Variants in NLRP5 observed in about 807,000 individuals in gnomAD.
NLRP5 encodes NACHT, LRR and PYD domains-containing protein 5.
Under a neutral mutation model 113.1 loss-of-function variants are expected in NLRP5, and 93 were observed. The observed-to-expected ratio is 0.82, with a 90% CI of 0.70 to 0.98. The LOEUF (loss-of-function observed/expected upper bound fraction) is 0.98. Among genes scored for constraint, NLRP5 ranks in the 50% least tolerant of loss-of-function variants. The pLI, the probability that NLRP5 is intolerant of heterozygous loss-of-function variation, is 0.00. For missense variants in NLRP5, 1,808 were observed against 1,514.3 expected, an observed-to-expected ratio of 1.19 and a Z score of -3.22; for synonymous variants, 751 against 600.7, an observed-to-expected ratio of 1.25 and a Z score of -3.66.
chr19:55,987,894 T>C, the NLRP5 span: 1 of 1,613,500 alleles, frequency 6.2e-7, no homozygotes, highest in South Asian at 1.1e-5. Context: ...AGTGACTGCC[T>C]ATCCCAGATT....
intron 2 of NLRP5, among the ~76,000 whole-genome samples, chr19:56,007,882 T>C (rs1487398805): frequency 8.7e-6 from 1 of 115,048 alleles, no homozygotes; most frequent in African/African-American, 3.2e-5. Flanking sequence ...TGTGTGTGTG[T>C]GTGTGTGCGC....
At chr19:56,036,454 G>A (rs1440953615) in intron 9 of NLRP5, among the ~76,000 whole-genome samples, 2 of 152,154 alleles carry the variant, frequency 1.3e-5, no homozygotes, top group African/African-American at 4.8e-5. Context: ...AATGAAACGA[G>A]ATTGTTTTAT....
At chr19:56,004,918 C>A (rs1981795351) in intron 2 of NLRP5, among the ~76,000 whole-genome samples, 1 of 151,568 alleles carries the variant, frequency 6.6e-6, no homozygotes, top group South Asian at 2.1e-4. Context: ...CATGGAGAAA[C>A]CCCGTCTCTA....
chr19:56,033,563 C>T lies in NLRP5; in HGVS notation c.2469C>T (p.Thr823=). 1 of 1,613,508 alleles carries T rather than the reference C, an allele frequency of 6.2e-7. No homozygotes were observed. Among genetic ancestry groups the T allele is most frequent in the Non-Finnish European group, 8.5e-7 (1 of 1,179,600 alleles). Reference sequence around the variant, plus strand: ...GCAGGTTTAGAAATGCACAGATTACCCCTGGTGTGCAGCACCTCTGGAGAA... The same window carrying T: ...GCAGGTTTAGAAATGCACAGATTACTCCTGGTGTGCAGCACCTCTGGAGAA... Residue 823 remains threonine, a synonymous_variant, in exon 9 of 15, where the codon ACC becomes ACT. Transcript: ENST00000390649.
chr19:56,027,770 C>A lies in NLRP5; in HGVS notation c.1537C>A (p.Arg513=). 6.2e-6 allele frequency: 10 copies of A among 1,613,964 alleles called. No individual in the cohort carries two copies. Among genetic ancestry groups the A allele is most frequent in the Non-Finnish European group, 8.5e-6 (10 of 1,179,894 alleles). Residue 513 remains arginine, a synonymous_variant, in exon 7 of 15, where the codon CGA becomes AGA. Coordinates refer to ENST00000390649, the MANE Select transcript of NLRP5 (RefSeq NM_153447.4). Reference sequence around the variant, plus strand: ...TTTTGTGTTTCATCAGCTCACCCCTCGAGGCGTGGTCCGGCGCTGTCTCAA... The same window carrying A: ...TTTTGTGTTTCATCAGCTCACCCCTAGAGGCGTGGTCCGGCGCTGTCTCAA...
intron 4 of NLRP5, among the ~76,000 whole-genome samples, chr19:56,016,908 A>G (rs1982425886): frequency 6.6e-6 from 1 of 152,122 alleles, no homozygotes; most frequent in South Asian, 2.1e-4. Context: ...TCCTGGGTTC[A>G]AGTGATTCTC....
At chr19:55,987,903 T>C in the NLRP5 span, 1 of 1,612,756 alleles carries the variant, frequency 6.2e-7, no homozygotes, top group Non-Finnish European at 8.5e-7. Context: ...CTATCCCAGA[T>C]TAATCCTTAG....
chr19:55,994,863 T>A (rs1191153054), upstream of NLRP5, among the ~76,000 whole-genome samples: 1 of 152,232 alleles, frequency 6.6e-6, no homozygotes, highest in African/African-American at 2.4e-5. Flanking sequence ...TGTTTTCTTC[T>A]GGTAGTTTTA....
intron 2 of NLRP5, among the ~76,000 whole-genome samples, chr19:56,004,813 C>T (rs1568481252): frequency 6.6e-6 from 1 of 152,040 alleles, no homozygotes; most frequent in Admixed American, 6.6e-5. Context: ...CAGGTGTGGG[C>T]TGGATGCAGT....
At chr19:55,988,016 C>T in the NLRP5 span, 3 of 874,170 alleles carry the variant, frequency 3.4e-6, no homozygotes, top group Non-Finnish European at 5.6e-6. Context: ...GTACTTTCCC[C>T]TGAAACAGAG....
chr19:56,029,310 A>G (rs1983002249), intron 7 of NLRP5, among the ~76,000 whole-genome samples: 1 of 152,154 alleles, frequency 6.6e-6, no homozygotes, highest in African/African-American at 2.4e-5. Context: ...TGTGTCACCA[A>G]GGCTGGAGTA....
rs144686764 is a variant in NLRP5, at chr19:56,027,739, C to T, written c.1506C>T (p.His502=). The change falls in exon 7 of 15, where the codon CAC becomes CAT. Residue 502 remains histidine (H), a synonymous_variant. Coordinates refer to ENST00000390649, the MANE Select transcript of NLRP5 (RefSeq NM_153447.4). ...TCAACCAAACGCTCACAGGCCTGCA[C>T]GCCGCTTTTGTGTTTCATCAGCTCA... The T allele has an allele frequency of 2.2e-4, 349 of 1,613,732 alleles. 3 individuals are homozygous for T. In the East Asian group the frequency reaches 6.2e-3, roughly 29 times the overall value.
chr19:56,043,809 C>G (rs190787830), intron 11 of NLRP5, among the ~76,000 whole-genome samples: 9 of 151,526 alleles, frequency 5.9e-5, no homozygotes, highest in Non-Finnish European at 1.2e-4. Context: ...GATCTCCTGA[C>G]CTTGTGATTT....
intron 2 of NLRP5, among the ~76,000 whole-genome samples, chr19:56,005,786 A>T (rs1281786604): frequency 3.3e-5 from 5 of 152,176 alleles, no homozygotes; most frequent in Non-Finnish European, 4.4e-5. Flanking sequence ...CCAGGAAGAG[A>T]GTGCATAAAA....
At chr19:56,049,442 AAG>A (rs1281451255) in intron 11 of NLRP5, among the ~76,000 whole-genome samples, 1 of 152,048 alleles carries the variant, frequency 6.6e-6, no homozygotes, top group Non-Finnish European at 1.5e-5. Context: ...CAGCCACCCA[AAG>A]TGCTGAGATT....
chr19:56,032,313 C>A (rs2123312228), intron 7 of NLRP5, among the ~76,000 whole-genome samples: 1 of 151,602 alleles, frequency 6.6e-6, no homozygotes, highest in Non-Finnish European at 1.5e-5. Flanking sequence ...CCACTGCGCT[C>A]CAGCCTGGGC....
intron 9 of NLRP5, among the ~76,000 whole-genome samples, chr19:56,034,270 C>T (rs1168062792): frequency 2.6e-5 from 4 of 152,162 alleles, no homozygotes; most frequent in Non-Finnish European, 5.9e-5. Context: ...CCTGTAATCC[C>T]AGCTACTCGG....
At chr19:56,050,720 G>T in intron 12 of NLRP5, 132 bp downstream of exon 12, 1 of 799,332 alleles carries the variant, frequency 1.3e-6, no homozygotes. Flanking sequence ...ATTTTTCCAA[G>T]GGCAATCTAG....
In NLRP5 at chr19:56,027,438, A is replaced by G; in HGVS notation, c.1205A>G (p.Glu402Gly). ...CTGCTGAGGAAGGTCCTGCTCCCTG[A>G]GTCCTTCCTGATCGTCACCGTCAGA... Residue 402 changes from glutamate (E) to glycine (G), a missense_variant, in exon 7 of 15, where the codon GAG (glutamate) becomes GGG (glycine). Coordinates refer to ENST00000390649, the MANE Select transcript of NLRP5 (RefSeq NM_153447.4). 6.2e-7 allele frequency: 1 copy of G among 1,613,668 alleles called. No homozygotes were observed. The highest frequency in any genetic ancestry group is 1.7e-5 in the Admixed American group (1 of 59,966).
Sources: gnomAD v4.1 joint callset for allele counts (sites outside exome capture counted in the v4.1 genomes callset) on GRCh38, gnomAD v4.1.1 for gene constraint, MANE v1.5 for transcripts, NCBI Gene and HGNC (gene_info 2026-07-23, HGNC 2026-07-21) for gene names.